RTN1: variants seen among roughly 807,000 people sequenced by gnomAD.
The protein encoded by RTN1 is reticulon-1.
A neutral mutation model predicts 65.5 loss-of-function variants in RTN1; 25 were observed. That is an observed-to-expected ratio of 0.38 (90% confidence interval 0.28 to 0.53). The LOEUF is 0.53. Among genes scored for constraint, RTN1 ranks in the 20% least tolerant of loss-of-function variants. The pLI is 0.79. For missense variants in RTN1, 983 were observed against 1,025.4 expected (o/e 0.96, Z 0.57); for synonymous variants, 471 against 447.6 (o/e 1.05, Z -0.66).
Position 59,650,511 on chromosome 14 carries a change from T to A in RTN1, c.1766-43019A>T, listed in dbSNP as rs188563476. 8.8e-4 allele frequency among the ~76,000 whole-genome samples: 134 copies of A among 152,292 alleles called. 1 individual carries two copies. Among genetic ancestry groups the A allele is most frequent in the Non-Finnish European group, 1.1e-3 (75 of 68,026 alleles). On this transcript the variant is annotated intron_variant, in intron 3 of 8. Transcript: ENST00000267484. ...ATGATTCTTTATCTAGAAAATCCCA[T>A]CATCTCAGCCCAAAAGCTCTTTAAG... is the stretch of plus-strand genomic sequence containing the variant.
intron 1 of RTN1, among the ~76,000 whole-genome samples, chr14:59,837,074 T>C (rs1887225423): frequency 6.6e-6 from 1 of 152,000 alleles, no homozygotes; most frequent in Non-Finnish European, 1.5e-5. Flanking sequence ...CCTCATAATA[T>C]AACATATCAT....
chr14:59,734,230 A>G (rs1240187218), intron 2 of RTN1, among the ~76,000 whole-genome samples: 3 of 152,238 alleles, frequency 2.0e-5, no homozygotes, highest in Non-Finnish European at 4.4e-5. Flanking sequence ...CCCATCCAAA[A>G]GTCAGCAACC....
intron 1 of RTN1, among the ~76,000 whole-genome samples, chr14:59,770,341 G>C (rs912943919): frequency 1.3e-4 from 16 of 126,766 alleles, no homozygotes; most frequent in Non-Finnish European, 1.6e-5. Context: ...TTGCACCATT[G>C]CACTCCAGCC....
At chr14:59,791,898 T>C (rs938287301) in intron 1 of RTN1, among the ~76,000 whole-genome samples, 2 of 152,076 alleles carry the variant, frequency 1.3e-5, no homozygotes, top group Non-Finnish European at 2.9e-5. Context: ...TAGGGGGAGC[T>C]TTCCAAATCC....
intron 1 of RTN1, among the ~76,000 whole-genome samples, chr14:59,772,385 T>C (rs915884637): frequency 2.6e-5 from 4 of 152,162 alleles, no homozygotes; most frequent in African/African-American, 9.7e-5. Flanking sequence ...TCAATTCATG[T>C]GCAAGTACAT....
At chr14:59,833,660 A>T (rs1412310861) in intron 1 of RTN1, among the ~76,000 whole-genome samples, 1 of 152,282 alleles carries the variant, frequency 6.6e-6, no homozygotes, top group East Asian at 1.9e-4. Flanking sequence ...CCCAATAGGT[A>T]GTTTTTCAAT....
intron 3 of RTN1, among the ~76,000 whole-genome samples, chr14:59,699,999 T>C (rs1041249129): frequency 6.6e-6 from 1 of 152,154 alleles, no homozygotes; most frequent in African/African-American, 2.4e-5. Flanking sequence ...TTCAGCTTTG[T>C]TGGCCATATG....
At chr14:59,831,733 C>CAT (rs987533602) in intron 1 of RTN1, among the ~76,000 whole-genome samples, 3 of 151,738 alleles carry the variant, frequency 2.0e-5, no homozygotes, top group Non-Finnish European at 2.9e-5. Flanking sequence ...TAGGGCAGGA[C>CAT]ATATATATAT....
At chr14:59,685,786 T>C in intron 3 of RTN1, among the ~76,000 whole-genome samples, 1 of 152,170 alleles carries the variant, frequency 6.6e-6, no homozygotes, top group Non-Finnish European at 1.5e-5. Flanking sequence ...AAAATACCAA[T>C]GACCTTCTTC....
Position 59,803,240 on chromosome 14 carries a change from C to G in RTN1, c.242-56759G>C, listed in dbSNP as rs1886579658. 6.6e-6 allele frequency among the ~76,000 whole-genome samples: 1 copy of G among 152,154 alleles called. No individual in the cohort carries two copies. The highest frequency in any genetic ancestry group is 6.5e-5 in the Admixed American group (1 of 15,274). On this transcript the variant is annotated intron_variant, in intron 1 of 8. Coordinates refer to ENST00000267484, the MANE Select transcript of RTN1 (RefSeq NM_021136.3). This position sits in a 1 kb window ranked among gnomAD's most constrained non-coding sequence, Gnocchi z 5.6. ...GGGAGAGTTGGTTCCGTACACAACA[C>G]CGAGCTGCGTATGACTTGCCCTGAC...
chr14:59,718,675 A>T (rs1884588013), intron 3 of RTN1, among the ~76,000 whole-genome samples: 1 of 152,188 alleles, frequency 6.6e-6, no homozygotes, highest in African/African-American at 2.4e-5. Context: ...AAATAGGGAG[A>T]TCATTTCAGT....
At chr14:59,869,585 G>T (rs1022117384) in intron 1 of RTN1, among the ~76,000 whole-genome samples, 13 of 132,324 alleles carry the variant, frequency 9.8e-5, no homozygotes, top group South Asian at 2.9e-4. Context: ...GGGGTGGGGG[G>T]GGGGGGGCGC....
intron 3 of RTN1, among the ~76,000 whole-genome samples, chr14:59,673,828 C>A (rs1310375484): frequency 6.6e-6 from 1 of 152,074 alleles, no homozygotes; most frequent in East Asian, 1.9e-4. Flanking sequence ...GAGGACTGTC[C>A]CTGTCTGTCT....
intron 3 of RTN1, among the ~76,000 whole-genome samples, chr14:59,645,607 C>T (rs1882877418): frequency 1.3e-5 from 2 of 152,292 alleles, no homozygotes; most frequent in African/African-American, 4.8e-5. Context: ...GCCATCTTTG[C>T]TGTCTCACAG....
At position 59,846,297 on chromosome 14, in the gene RTN1, T is replaced by G. The variant is rs1887408280; in HGVS notation, c.241+24093A>C. 6.6e-6 allele frequency among the ~76,000 whole-genome samples: 1 copy of G among 152,120 alleles called. No homozygotes were observed. Among genetic ancestry groups the G allele is most frequent in the Non-Finnish European group, 1.5e-5 (1 of 68,016 alleles). On this transcript the variant is annotated intron_variant, in intron 1 of 8. Transcript: ENST00000267484. This position sits in a 1 kb window ranked among gnomAD's most constrained non-coding sequence, Gnocchi z 4.8. The stretch of plus-strand genomic sequence containing the variant: ...ATCTGCTGCTTGTGTCCCTCCTCCT[T>G]GCTCACCTACAGCAGACATCACTCA...
rs192967105 is a variant in RTN1 at position 59,848,856 on chromosome 14, C to T, written c.241+21534G>A. 3.2e-3 allele frequency among the ~76,000 whole-genome samples: 480 copies of T among 152,302 alleles called. 2 individuals carry two copies. Among genetic ancestry groups the T allele is most frequent in the Middle Eastern group, 0.014 (4 of 294 alleles). On this transcript the variant is annotated intron_variant, in intron 1 of 8. Transcript: ENST00000267484. Reference sequence around the variant, plus strand: ...GACAAGGAAATCAAACATTAATTCACTTGATACAGTACGAAGTCCATGTAC... The same window carrying T: ...GACAAGGAAATCAAACATTAATTCATTTGATACAGTACGAAGTCCATGTAC...
At chr14:59,858,981 A>G (rs1887658208) in intron 1 of RTN1, among the ~76,000 whole-genome samples, 2 of 152,228 alleles carry the variant, frequency 1.3e-5, no homozygotes, top group Admixed American at 1.3e-4. Flanking sequence ...GTTCTTAAGA[A>G]GCAAATATGT....
intron 2 of RTN1, among the ~76,000 whole-genome samples, chr14:59,733,485 T>C (rs927220756): frequency 8.6e-5 from 13 of 151,922 alleles, no homozygotes; most frequent in African/African-American, 3.1e-4. Context: ...TGGCACATAT[T>C]AGGGACAGAG....
At chr14:59,707,676 C>G (rs1362413852) in intron 3 of RTN1, among the ~76,000 whole-genome samples, 1 of 151,484 alleles carries the variant, frequency 6.6e-6, no homozygotes, top group Non-Finnish European at 1.5e-5. Flanking sequence ...ATAATTCTCT[C>G]TCTCTCTCTC....
Sources: allele counts gnomAD v4.1 joint callset (sites outside exome capture counted in the v4.1 genomes callset), GRCh38; gene constraint gnomAD v4.1.1; non-coding constraint Gnocchi (gnomAD v3.1); transcripts MANE v1.5; gene names NCBI Gene and HGNC (gene_info 2026-07-23, HGNC 2026-07-21).